LAMB4: variants seen among roughly 807,000 people sequenced by gnomAD.
LAMB4 encodes the protein laminin subunit beta 4, also known as laminin subunit beta-4.
A neutral mutation model predicts 199.2 loss-of-function variants in LAMB4; 196 were observed. The ratio of observed to expected loss-of-function variants is 0.98; its 90% CI spans 0.88 to 1.11. LAMB4 has a LOEUF of 1.11. Among genes scored for constraint, LAMB4 ranks in the 50% least tolerant of loss-of-function variants. The probability of loss-of-function intolerance (pLI) is 0.00; values close to 1 mark genes in which losing one functional copy is unlikely to be tolerated. For missense variants in LAMB4, 2,080 were observed against 2,171.2 expected, an observed-to-expected ratio of 0.96 and a Z score of 0.83; for synonymous variants, 744 against 770.6, an observed-to-expected ratio of 0.97 and a Z score of 0.57.
intron 26 of LAMB4, among the ~76,000 whole-genome samples, chr7:108,050,572 A>G (rs1007712328): frequency 6.6e-6 from 1 of 152,208 alleles, no homozygotes; most frequent in African/African-American, 2.4e-5. Flanking sequence ...GGTTTAAACC[A>G]TAACTCCATA....
Position 108,055,944 on chromosome 7 carries a change from C to A in LAMB4, c.3443G>T (p.Arg1148Leu), listed in dbSNP as rs772132232. The A allele has an allele frequency of 3.8e-5, 62 of 1,614,028 alleles. No individual in the cohort carries two copies. Among genetic ancestry groups the A allele is most frequent in the Non-Finnish European group, 5.2e-5 (61 of 1,180,012 alleles). ...CTGGCCGCTGACACCCTCCCGGCAG[C>A]GGCACATGCCTGTGTCTGGATCACA... ...PICDPDTGMC[R>L]CREGVSGQRC... Residue 1148 changes from arginine (R) to leucine (L), a missense_variant, in exon 25 of 34, where the codon CGC becomes CTC. Transcript: ENST00000388781.
intron 28 of LAMB4, among the ~76,000 whole-genome samples, chr7:108,045,217 A>G (rs1223488127): frequency 6.6e-6 from 1 of 152,212 alleles, no homozygotes; most frequent in African/African-American, 2.4e-5. Flanking sequence ...CAGTAAAATG[A>G]GAATTCCAGA....
intron 6 of LAMB4, among the ~76,000 whole-genome samples, 175 bp from the exon 7 acceptor site, chr7:108,106,747 G>T (rs1028900788): frequency 1.3e-5 from 2 of 151,440 alleles, no homozygotes; most frequent in Non-Finnish European, 2.9e-5. Context: ...AAAGATTTTT[G>T]TAGAGGTGGG....
chr7:108,059,097 C>CTTTTT (rs57814646), intron 23 of LAMB4, among the ~76,000 whole-genome samples: 7 of 107,840 alleles, frequency 6.5e-5, no homozygotes, highest in East Asian at 2.8e-4. Flanking sequence ...CAATCTGCCA[C>CTTTTT]TTTTTTTTTT....
At chr7:108,026,252 A>G (rs1398397450) in intron 33 of LAMB4, among the ~76,000 whole-genome samples, 1 of 152,162 alleles carries the variant, frequency 6.6e-6, no homozygotes, top group African/African-American at 2.4e-5. Flanking sequence ...GAATCTACTT[A>G]CCCTGTTCCT....
At chr7:108,103,297 G>A (rs1291215895) in intron 9 of LAMB4, 65 bp from the exon 10 acceptor site, 11 of 1,350,626 alleles carry the variant, frequency 8.1e-6, no homozygotes, top group Middle Eastern at 2.4e-4. Context: ...CAGTGCCCCC[G>A]CACTGGTCAG....
intron 14 of LAMB4, among the ~76,000 whole-genome samples, chr7:108,088,299 A>C (rs1190418283): frequency 1.3e-5 from 2 of 151,992 alleles, no homozygotes; most frequent in Non-Finnish European, 2.9e-5. Flanking sequence ...AGTAGCTGGG[A>C]CTACAGGCGT....
In LAMB4 at chr7:108,063,115, G is replaced by A. The variant is rs563488068; in HGVS notation, c.3062-121C>T. On this transcript the variant is annotated intron_variant, in intron 22 of 33. Transcript: ENST00000388781. Reference sequence around the variant, plus strand: ...TCTCCAAGGGGCTCAAAGAATGAACGCCTTATAATAGTAAAGAATTTACCA... The same window carrying A: ...TCTCCAAGGGGCTCAAAGAATGAACACCTTATAATAGTAAAGAATTTACCA... 5.8e-5 allele frequency: 32 copies of A among 550,442 alleles called. No individual in the cohort carries two copies. In the South Asian group the frequency reaches 1.0e-3, roughly 17 times the overall value. The allele number at this position is 550,442 out of a possible 1,614,324, so 34.1% of individuals were successfully genotyped here.
chr7:108,077,929 A>G (rs565754849), intron 16 of LAMB4, among the ~76,000 whole-genome samples: 1 of 152,302 alleles, frequency 6.6e-6, no homozygotes, highest in East Asian at 1.9e-4. Flanking sequence ...TCTGCTACAC[A>G]TTAGTGATGA....
rs142643407 is a variant in LAMB4, at chr7:108,095,319, A to G, written c.1379T>C (p.Leu460Pro). Reference protein sequence around the residue: ...LGCQPCDCNPLGSLPFLTCDV... With the variant: ...LGCQPCDCNPPGSLPFLTCDV... ...ACAGGTCAAGAATGGCAGACTCCCA[A>G]GGGGGTTACAGTCGCAGGCTGAAAG... The change falls in exon 12 of 34, where the codon CTT becomes CCT. Residue 460 changes from leucine to proline, a missense_variant. Transcript: ENST00000388781. The G allele has an allele frequency of 9.8e-5, 158 of 1,613,592 alleles. No homozygotes were observed. The highest frequency in any genetic ancestry group is 2.5e-5 in the Non-Finnish European group (30 of 1,179,680).
In LAMB4 at chr7:108,057,841, G is replaced by T; in HGVS notation, c.3370C>A (p.Arg1124=). Residue 1124 remains arginine (R), a synonymous_variant, in exon 24 of 34, where the codon CGA becomes AGA. Transcript: ENST00000388781. The part of the protein sequence containing the change: ...QENYYGDPPG[R]CIPCDCNRAG... ...AAATCCCAATACTTACGAATGCATCGCCCAGGTGGATCACCATAATAATTT... is the reference window on the plus strand; with the variant it reads ...AAATCCCAATACTTACGAATGCATCTCCCAGGTGGATCACCATAATAATTT... The T allele has an allele frequency of 1.9e-6, 3 of 1,608,716 alleles. No homozygotes were observed. Among genetic ancestry groups the T allele is most frequent in the Non-Finnish European group, 2.6e-6 (3 of 1,175,272 alleles).
intron 33 of LAMB4, among the ~76,000 whole-genome samples, chr7:108,024,962 A>G (rs2034781978): frequency 6.6e-6 from 1 of 152,252 alleles, no homozygotes; most frequent in Admixed American, 6.5e-5. Flanking sequence ...GATAGCTTCT[A>G]GAAGAGGGAA....
intron 32 of LAMB4, 84 bp from the exon 33 acceptor site, chr7:108,029,280 T>C: frequency 8.0e-7 from 1 of 1,243,754 alleles, no homozygotes; most frequent in Non-Finnish European, 1.1e-6. Flanking sequence ...ATTCCATTCA[T>C]AGAAGGAATA....
chr7:108,017,010 A>G, the LAMB4 span, among the ~76,000 whole-genome samples: 35 of 152,330 alleles, frequency 2.3e-4, no homozygotes, highest in African/African-American at 8.4e-4. Context: ...GTGTGGAACT[A>G]TGTCAGATAC....
rs2035006328 is a variant in LAMB4, at chr7:108,030,941, C to T, written c.4857G>A (p.Glu1619=). Residue 1619 remains glutamate (E), a synonymous_variant, in exon 32 of 34, where the codon GAG becomes GAA. Transcript: ENST00000388781. ...NQTREMKSEL[E]LAKQRSGLED... is the part of the protein sequence containing the mutation. Reference sequence around the variant, plus strand: ...CCAGCCCTGATCGCTGCTTTGCTAACTCCAGCTCACTCTTCATTTCCCTGG... The same window carrying T: ...CCAGCCCTGATCGCTGCTTTGCTAATTCCAGCTCACTCTTCATTTCCCTGG... 2 of 1,613,804 alleles carry T rather than the reference C, an allele frequency of 1.2e-6. No homozygotes were observed. The highest frequency in any genetic ancestry group is 3.3e-5 in the Admixed American group (2 of 59,978).
At chr7:108,056,763 A>T (rs1385622934) in intron 24 of LAMB4, among the ~76,000 whole-genome samples, 1 of 152,186 alleles carries the variant, frequency 6.6e-6, no homozygotes, top group African/African-American at 2.4e-5. Context: ...TGAGCCCAGG[A>T]GTTCGAGACC....
At chr7:108,087,870 A>G (rs380046) in intron 14 of LAMB4, among the ~76,000 whole-genome samples, 61,556 of 152,056 alleles carry the variant, frequency 0.4, 12,788 homozygotes, top group East Asian at 0.58. Flanking sequence ...AGAGGCTCTG[A>G]TTTCTTTGGG....
chr7:108,125,664 G>A (rs879472971), intron 1 of LAMB4, among the ~76,000 whole-genome samples: 1 of 152,208 alleles, frequency 6.6e-6, no homozygotes, highest in Non-Finnish European at 1.5e-5. Context: ...CAAATGATGG[G>A]CTAATCTTTT....
intron 33 of LAMB4, among the ~76,000 whole-genome samples, chr7:108,024,698 C>CATTG (rs1477899429): frequency 6.6e-6 from 1 of 152,040 alleles, no homozygotes; most frequent in African/African-American, 2.4e-5. Flanking sequence ...TCCATTGACC[C>CATTG]ATCCATCGAT....
Sources: allele counts gnomAD v4.1 joint callset (sites outside exome capture counted in the v4.1 genomes callset), GRCh38; gene constraint gnomAD v4.1.1; transcripts MANE v1.5; gene names NCBI Gene and HGNC (gene_info 2026-07-23, HGNC 2026-07-21).